CDC42BPA: variants seen among roughly 807,000 people sequenced by gnomAD.
CDC42BPA encodes the protein serine/threonine-protein kinase MRCK alpha.
Under a neutral mutation model 223.5 loss-of-function variants are expected in CDC42BPA, and 80 were observed. The observed-to-expected ratio is 0.36, with a 90% confidence interval of 0.30 to 0.43. The LOEUF is 0.43. Among genes scored for constraint, CDC42BPA ranks in the 20% least tolerant of loss-of-function variants. The pLI is 1.00. For synonymous variants in CDC42BPA, 694 were observed against 718.6 expected (o/e 0.97, Z 0.55); for missense variants, 1,743 against 2,099.9 (o/e 0.83, Z 3.32).
intron 34 of CDC42BPA, among the ~76,000 whole-genome samples, chr1:227,012,535 T>C (rs918584088): frequency 6.6e-6 from 1 of 152,122 alleles, no homozygotes; most frequent in Admixed American, 6.5e-5. Context: ...AGCAACAGAA[T>C]TAAATTTCTA....
intron 34 of CDC42BPA, chr1:227,011,066 AT>A: frequency 7.6e-7 from 1 of 1,319,898 alleles, no homozygotes. Context: ...AAACCTGGCT[AT>A]CAAAAACAAA....
At chr1:227,267,901 G>C (rs1204002678) in intron 1 of CDC42BPA, among the ~76,000 whole-genome samples, 1 of 152,068 alleles carries the variant, frequency 6.6e-6, no homozygotes, top group African/African-American at 2.4e-5. Flanking sequence ...TGGGGACACA[G>C]AGCTAAACCA....
intron 14 of CDC42BPA, among the ~76,000 whole-genome samples, chr1:227,106,820 T>C (rs998126065): frequency 6.6e-6 from 1 of 152,036 alleles, no homozygotes. Flanking sequence ...GTAGAAACTA[T>C]TCTTTCCCCA....
chr1:227,176,649 A>G (rs1363137109), intron 5 of CDC42BPA, among the ~76,000 whole-genome samples: 5 of 152,140 alleles, frequency 3.3e-5, no homozygotes, highest in Admixed American at 2.0e-4. Flanking sequence ...CCTTATACTG[A>G]TATCTCTATA....
intron 1 of CDC42BPA, among the ~76,000 whole-genome samples, chr1:227,300,222 G>GT (rs1691381611): frequency 6.6e-6 from 1 of 152,166 alleles, no homozygotes; most frequent in South Asian, 2.1e-4. Context: ...TACTGGGAAC[G>GT]TAAGTTAGTA....
At chr1:227,284,049 A>G (rs866880968) in intron 1 of CDC42BPA, among the ~76,000 whole-genome samples, 9 of 152,186 alleles carry the variant, frequency 5.9e-5, no homozygotes, top group Admixed American at 2.6e-4. Flanking sequence ...AACACAGACT[A>G]TATCTCAAAA....
At chr1:227,262,850 C>T (rs983075886) in intron 1 of CDC42BPA, among the ~76,000 whole-genome samples, 1 of 152,208 alleles carries the variant, frequency 6.6e-6, no homozygotes, top group East Asian at 1.9e-4. Context: ...TAATCTAACA[C>T]ATTCCCATTA....
At chr1:227,282,253 T>C (rs190606281) in intron 1 of CDC42BPA, among the ~76,000 whole-genome samples, 30 of 150,856 alleles carry the variant, frequency 2.0e-4, no homozygotes, top group African/African-American at 6.3e-4. Flanking sequence ...TTACCTAGAA[T>C]GGCAGAATTA....
chr1:227,136,990 A>G (rs967441563), intron 10 of CDC42BPA, among the ~76,000 whole-genome samples: 23 of 152,164 alleles, frequency 1.5e-4, no homozygotes, highest in Non-Finnish European at 3.2e-4. Context: ...ATATATGGGT[A>G]AATAAAAAGA....
At chr1:227,070,397 T>C (rs1678034018) in intron 20 of CDC42BPA, among the ~76,000 whole-genome samples, 1 of 148,312 alleles carries the variant, frequency 6.7e-6, no homozygotes, top group Non-Finnish European at 1.5e-5. Context: ...AGATGAATTT[T>C]TAAAAATTCA....
chr1:227,294,005 C>A (rs967422668), intron 1 of CDC42BPA, among the ~76,000 whole-genome samples: 1 of 152,098 alleles, frequency 6.6e-6, no homozygotes, highest in African/African-American at 2.4e-5. Context: ...GGCACGGTGG[C>A]TCACACCTGT....
intron 21 of CDC42BPA, among the ~76,000 whole-genome samples, chr1:227,065,388 CAG>C (rs1676834246): frequency 6.6e-6 from 1 of 152,304 alleles, no homozygotes; most frequent in African/African-American, 2.4e-5. Flanking sequence ...GTTAGAGAAG[CAG>C]AGAGTGTTGA....
chr1:227,109,643 G>C (rs1198852238), intron 14 of CDC42BPA, among the ~76,000 whole-genome samples: 2 of 151,968 alleles, frequency 1.3e-5, no homozygotes, highest in Non-Finnish European at 2.9e-5. Flanking sequence ...TGGGATTACA[G>C]GTGTGAGCCA....
intron 27 of CDC42BPA, among the ~76,000 whole-genome samples, chr1:227,032,878 C>T (rs999577171): frequency 1.3e-5 from 2 of 152,198 alleles, no homozygotes; most frequent in African/African-American, 4.8e-5. Flanking sequence ...GCGGACACCA[C>T]AAGAACTGTA....
chr1:227,315,107 C>T (rs1694152801), intron 1 of CDC42BPA, among the ~76,000 whole-genome samples: 1 of 152,188 alleles, frequency 6.6e-6, no homozygotes, highest in Non-Finnish European at 1.5e-5. Context: ...GCAAATACCA[C>T]TACTCACTAC....
chr1:227,003,850 G>GGA (rs1290476795), intron 35 of CDC42BPA, among the ~76,000 whole-genome samples: 1 of 152,000 alleles, frequency 6.6e-6, no homozygotes, highest in African/African-American at 2.4e-5. Context: ...CAAAAAAAAC[G>GGA]GAGAGAGAGA....
chr1:227,055,293 A>T (rs1674329335), intron 21 of CDC42BPA, among the ~76,000 whole-genome samples: 1 of 152,126 alleles, frequency 6.6e-6, no homozygotes, highest in Non-Finnish European at 1.5e-5. Context: ...GTTACACCAC[A>T]AATCACTTAT....
At chr1:227,121,802 C>CTTT (rs11327691) in intron 11 of CDC42BPA, among the ~76,000 whole-genome samples, 1 of 134,128 alleles carries the variant, frequency 7.5e-6, no homozygotes, top group South Asian at 2.3e-4. Context: ...TCTTTTTTTT[C>CTTT]TTTTTTTTTT....
intron 16 of CDC42BPA, among the ~76,000 whole-genome samples, chr1:227,087,358 T>A (rs1298988752): frequency 6.6e-6 from 1 of 151,712 alleles, no homozygotes; most frequent in Non-Finnish European, 1.5e-5. Flanking sequence ...GAAAATCAAC[T>A]GACCATAAAT....
Sources: gnomAD v4.1 joint callset for allele counts (sites outside exome capture counted in the v4.1 genomes callset) on GRCh38, gnomAD v4.1.1 for gene constraint, MANE v1.5 for transcripts, NCBI Gene and HGNC (gene_info 2026-07-23, HGNC 2026-07-21) for gene names.